The following FSD2 variants were observed in gnomAD, a reference collection of about 807,000 sequenced individuals.
The protein encoded by FSD2 is fibronectin type III and SPRY domain-containing protein 2.
FSD2 carries 71 observed loss-of-function variants against 80.4 expected under a neutral mutation model. The observed-to-expected ratio is 0.88, with a 90% CI of 0.73 to 1.08. FSD2 has a LOEUF of 1.08. FSD2 is among the 50% of genes least tolerant of loss of function. The pLI, the probability that FSD2 is intolerant of heterozygous loss-of-function variation, is 0.00. For synonymous variants in FSD2, 361 were observed against 329.5 expected (o/e 1.10, Z -1.03); for missense variants, 923 against 913.8 (o/e 1.01, Z -0.13).
intron 1 of FSD2, among the ~76,000 whole-genome samples, chr15:82,793,431 T>C (rs1478509217): frequency 6.6e-6 from 1 of 152,186 alleles, no homozygotes; most frequent in Admixed American, 6.5e-5. Flanking sequence ...TATTGTCAAG[T>C]ATGACATCCA....
At chr15:82,763,335 G>A (rs1596227164) in intron 11 of FSD2, among the ~76,000 whole-genome samples, 1 of 152,160 alleles carries the variant, frequency 6.6e-6, no homozygotes, top group Non-Finnish European at 1.5e-5. Flanking sequence ...GTGGCTACAA[G>A]CTCACCTTCT....
chr15:82,799,123 G>T (rs932730978), intron 1 of FSD2, among the ~76,000 whole-genome samples: 1 of 151,960 alleles, frequency 6.6e-6, no homozygotes, highest in Admixed American at 6.6e-5. Context: ...CAATCCTCCC[G>T]CCTTGGTCTC....
At chr15:82,805,338 T>G (rs1362364974) in intron 1 of FSD2, among the ~76,000 whole-genome samples, 1 of 152,108 alleles carries the variant, frequency 6.6e-6, no homozygotes, top group Non-Finnish European at 1.5e-5. Context: ...GGAACATAAC[T>G]TTGCCTATAA....
Position 82,787,431 on chromosome 15 carries a change from A to C in FSD2, c.-41T>G. 5 of 1,537,620 alleles carry C rather than the reference A, an allele frequency of 3.3e-6. No homozygotes were observed. The highest frequency in any genetic ancestry group is 4.4e-6 in the Non-Finnish European group (5 of 1,143,666). Reference sequence around the variant, plus strand: ...CCTCAGAAGCACCTTTATATAAGAAAGATCCTTCCTGGACACTTAATAGTG... The same window carrying C: ...CCTCAGAAGCACCTTTATATAAGAACGATCCTTCCTGGACACTTAATAGTG... On this transcript the variant is annotated 5_prime_UTR_variant, in exon 2 of 13. Transcript: ENST00000334574.
Position 82,778,850 on chromosome 15 carries a change from T to C in FSD2, c.1027A>G (p.Ile343Val), listed in dbSNP as rs202000474. 172 of 1,613,968 alleles carry C rather than the reference T, an allele frequency of 1.1e-4. No homozygotes were observed. The African/African-American group carries it at 2.0e-3, about 18-fold the overall frequency. The part of the protein sequence containing the change: ...KFLKTKTDVE[I>V]SAQPEFEDQT... ...TCTTCAAACTCAGGCTGTGCAGAGA[T>C]TTCCACGTCTGTTTTTGTTTTCAGG... Residue 343 changes from isoleucine (I) to valine (V), a missense_variant, in exon 6 of 13, where the codon ATC becomes GTC. Physicochemically the swap from Ile to Val is conservative, Grantham distance 29. Coordinates refer to ENST00000334574, the MANE Select transcript of FSD2 (RefSeq NM_001007122.4).
chr15:82,787,893 C>A (rs1596254042), intron 1 of FSD2, among the ~76,000 whole-genome samples: 1 of 152,120 alleles, frequency 6.6e-6, no homozygotes, highest in East Asian at 1.9e-4. Context: ...AATTCTTGTG[C>A]CTCCACCTCC....
At chr15:82,761,470 A>T (rs2049294648) in intron 12 of FSD2, among the ~76,000 whole-genome samples, 1 of 152,178 alleles carries the variant, frequency 6.6e-6, no homozygotes, top group African/African-American at 2.4e-5. Flanking sequence ...AAAAGATGGA[A>T]CTGGGGCTTC....
chr15:82,782,335 G>A (rs2049886044), intron 4 of FSD2, among the ~76,000 whole-genome samples: 1 of 151,968 alleles, frequency 6.6e-6, no homozygotes, highest in Non-Finnish European at 1.5e-5. Context: ...AGGAGGCAGA[G>A]CTGGCGGTGA....
chr15:82,779,498 C>G (rs529853780), intron 5 of FSD2, among the ~76,000 whole-genome samples: 1 of 152,062 alleles, frequency 6.6e-6, no homozygotes, highest in South Asian at 2.1e-4. Context: ...AACTCCGTCT[C>G]TACTAAAAAT....
intron 11 of FSD2, among the ~76,000 whole-genome samples, chr15:82,764,150 G>A (rs1449668524): frequency 6.6e-6 from 1 of 152,112 alleles, no homozygotes; most frequent in East Asian, 1.9e-4. Context: ...AGGAGAACAG[G>A]GTCTGGGGGC....
intron 1 of FSD2, among the ~76,000 whole-genome samples, chr15:82,804,994 A>G (rs370195149): frequency 1.3e-5 from 2 of 152,204 alleles, no homozygotes; most frequent in African/African-American, 2.4e-5. Context: ...AAGTAAAGCA[A>G]TTAGTCATAG....
At chr15:82,781,311 G>A (rs140143127) in intron 4 of FSD2, among the ~76,000 whole-genome samples, 130 of 152,278 alleles carry the variant, frequency 8.5e-4, no homozygotes, top group African/African-American at 3.1e-3. Flanking sequence ...AGAGGTATGA[G>A]CATTGATGGT....
intron 7 of FSD2, among the ~76,000 whole-genome samples, chr15:82,770,904 A>G (rs141260760): frequency 2.1e-3 from 319 of 152,238 alleles, no homozygotes; most frequent in African/African-American, 7.5e-3. Flanking sequence ...CCCCAATACA[A>G]TGACTTCTGT....
At chr15:82,795,790 C>G (rs1217396692) in intron 1 of FSD2, among the ~76,000 whole-genome samples, 4 of 151,578 alleles carry the variant, frequency 2.6e-5, no homozygotes, top group African/African-American at 9.7e-5. Context: ...TGAGATTGCA[C>G]TCCTTCACCT....
rs980632004 is a variant in FSD2 at position 82,758,168 on chromosome 15, A to G, written c.*1180T>C. 1 of 152,132 alleles carries G rather than the reference A, an allele frequency of 6.6e-6. No homozygotes were observed. The highest frequency in any genetic ancestry group is 6.5e-5 in the Admixed American group (1 of 15,268). The allele number at this position is 152,132 out of a possible 1,614,324, so 9.4% of individuals were successfully genotyped here. A position where few individuals can be genotyped will look rare whatever the true frequency, so the allele number is the denominator to read the frequency against. On this transcript the variant is annotated 3_prime_UTR_variant, in exon 13 of 13. Transcript: ENST00000334574. ...ACACAAAACCTTAAATGATGAGATT[A>G]GGGCATATCTGGGTTTAGAGGCATC... is the stretch of plus-strand genomic sequence containing the variant.
chr15:82,761,704 C>T (rs192688422), intron 12 of FSD2, among the ~76,000 whole-genome samples: 92 of 146,786 alleles, frequency 6.3e-4, no homozygotes, highest in African/African-American at 2.0e-3. Context: ...TTTTTAGAGA[C>T]GGGGTCTTGC....
chr15:82,777,872 A>T (rs2049750394), intron 6 of FSD2, among the ~76,000 whole-genome samples: 1 of 151,048 alleles, frequency 6.6e-6, no homozygotes, highest in Admixed American at 6.6e-5. Flanking sequence ...AAAAGGTGAA[A>T]GGTAACAAAT....
chr15:82,789,778 A>G (rs2050095689), intron 1 of FSD2, among the ~76,000 whole-genome samples: 1 of 152,210 alleles, frequency 6.6e-6, no homozygotes, highest in Non-Finnish European at 1.5e-5. Context: ...TGGTTGATAC[A>G]GAACTCCTCT....
chr15:82,783,743 G>C (rs534650804), intron 3 of FSD2, among the ~76,000 whole-genome samples: 26 of 152,204 alleles, frequency 1.7e-4, no homozygotes, highest in Non-Finnish European at 2.9e-4. Flanking sequence ...CATCTCATGA[G>C]GCTCCTCTTC....
Sources: allele counts gnomAD v4.1 joint callset (sites outside exome capture counted in the v4.1 genomes callset), GRCh38; gene constraint gnomAD v4.1.1; transcripts MANE v1.5; gene names NCBI Gene and HGNC (gene_info 2026-07-23, HGNC 2026-07-21).